Variants in CACNA1B observed in about 807,000 individuals in gnomAD.
CACNA1B encodes calcium voltage-gated channel subunit alpha1 B.
In CACNA1B, 70 loss-of-function variants were observed where a neutral mutation model predicts 247.2. The ratio of observed to expected loss-of-function variants is 0.28; its 90% CI spans 0.23 to 0.35. The LOEUF (loss-of-function observed/expected upper bound fraction) is 0.35, where lower values mean the gene tolerates loss of function less well. Among genes scored for constraint, CACNA1B ranks in the 10% least tolerant of loss-of-function variants. CACNA1B has a pLI of 1.00. For missense variants in CACNA1B, 2,367 were observed against 3,197.4 expected, an observed-to-expected ratio of 0.74 and a Z score of 6.26; for synonymous variants, 1,231 against 1,294.4, an observed-to-expected ratio of 0.95 and a Z score of 1.05.
At chr9:137,937,947 CAAAAAAAAAAAAAAAAA>C (rs57680122) in intron 6 of CACNA1B, among the ~76,000 whole-genome samples, 13 of 21,936 alleles carry the variant, frequency 5.9e-4, no homozygotes, top group African/African-American at 1.2e-3. Context: ...AACTCTGTCT[CAAAAAAAAAAAAAAAAA>C]AAAAAAAAAA....
rs1246365929 is a variant in CACNA1B, at chr9:138,058,823, C to G, written c.4473+90C>G. On this transcript the variant is annotated intron_variant, in intron 29 of 46. Coordinates refer to ENST00000371372, the MANE Select transcript of CACNA1B (RefSeq NM_000718.4). The surrounding 1 kb of genome is among the most constrained non-coding windows in gnomAD (Gnocchi z 4.7). ...TGAGTGGAGAGTCAGCCTTCTTCCT[C>G]CCTGCATGAGCCAAAGCAGTAGTGG... 1 of 1,230,212 alleles carries G rather than the reference C, an allele frequency of 8.1e-7. No individual in the cohort carries two copies. The highest frequency in any genetic ancestry group is 2.5e-5 in the East Asian group (1 of 39,408). The allele number at this position is 1,230,212 out of a possible 1,614,324, so 76.2% of individuals were successfully genotyped here. A position where few individuals can be genotyped will look rare whatever the true frequency, so the allele number is the denominator to read the frequency against.
chr9:137,986,900 T>TC lies in CACNA1B; in HGVS notation c.1974+50dup, dbSNP rs991599297. On this transcript the variant is annotated intron_variant, in intron 15 of 46. Coordinates refer to ENST00000371372, the MANE Select transcript of CACNA1B (RefSeq NM_000718.4). This position sits in a 1 kb window ranked among gnomAD's most constrained non-coding sequence, Gnocchi z 6.0. The stretch of plus-strand genomic sequence containing the variant: ...ATTTGCGGCCTGCCCGGCTCCCGTC[T>TC]CCCCTGGGTGCTGGGAAGGCGGACT... The TC allele has an allele frequency of 7.1e-7, 1 of 1,411,116 alleles. No individual in the cohort carries two copies. The highest frequency in any genetic ancestry group is 1.4e-5 in the African/African-American group (1 of 70,350). 87.4% of individuals were successfully genotyped at this position (1,411,116 alleles called of 1,614,324 possible).
At position 137,957,650 on chromosome 9, in the gene CACNA1B, G is replaced by A. The variant is rs748329454; in HGVS notation, c.1296G>A (p.Glu432=). The A allele has an allele frequency of 1.2e-6, 2 of 1,603,788 alleles. No homozygotes were observed. Among genetic ancestry groups the A allele is most frequent in the Non-Finnish European group, 1.7e-6 (2 of 1,175,350 alleles). ...KKSRNDLIHA[E]EGEDRFADLC... ...GCAGAAATGACCTGATCCACGCAGAGGAGGGAGAGGACCGGTTTGCAGATC... is the reference window on the plus strand; with the variant it reads ...GCAGAAATGACCTGATCCACGCAGAAGAGGGAGAGGACCGGTTTGCAGATC... Residue 432 remains glutamate, a synonymous_variant, in exon 10 of 47, where the codon GAG becomes GAA. Transcript: ENST00000371372. This position sits in a 1 kb window ranked among gnomAD's most constrained non-coding sequence, Gnocchi z 4.7.
In CACNA1B at chr9:138,058,032, C is replaced by T. The variant is rs1453815457; in HGVS notation, c.4107-17C>T. ...CCTTTGGGGGTTCCCCTGACACTTG[C>T]TCTCCTCTTTGCCCAGGGTGCTGAA... On this transcript the variant is annotated splice_polypyrimidine_tract_variant and intron_variant, in intron 27 of 46. Coordinates refer to ENST00000371372, the MANE Select transcript of CACNA1B (RefSeq NM_000718.4). The surrounding 1 kb of genome is among the most constrained non-coding windows in gnomAD (Gnocchi z 4.7). 19 of 1,608,712 alleles carry T rather than the reference C, an allele frequency of 1.2e-5. No homozygotes were observed. Among genetic ancestry groups the T allele is most frequent in the Non-Finnish European group, 1.6e-5 (19 of 1,175,052 alleles).
chr9:138,115,417 C>A, intron 41 of CACNA1B, 135 bp from the exon 42 acceptor site: 1 of 890,622 alleles, frequency 1.1e-6, no homozygotes, highest in Non-Finnish European at 1.7e-6. Flanking sequence ...CGGCCCCTTG[C>A]TAAGGGGAAA....
intron 15 of CACNA1B, among the ~76,000 whole-genome samples, chr9:137,992,163 A>G (rs1958438869): frequency 6.6e-6 from 1 of 152,242 alleles, no homozygotes; most frequent in South Asian, 2.1e-4. Context: ...ATGGATAAGA[A>G]TTCACCAACC....
At position 138,057,666 on chromosome 9, in the gene CACNA1B, C is replaced by CT. The variant is rs1959561657; in HGVS notation, c.3969-64dup. 6.6e-7 allele frequency: 1 copy of CT among 1,512,054 alleles called. No homozygotes were observed. The allele number at this position is 1,512,054 out of a possible 1,614,324, so 93.7% of individuals were successfully genotyped here. A position where few individuals can be genotyped will look rare whatever the true frequency, so the allele number is the denominator to read the frequency against. On this transcript the variant is annotated intron_variant, in intron 26 of 46. Transcript: ENST00000371372. The surrounding 1 kb of genome is among the most constrained non-coding windows in gnomAD (Gnocchi z 4.0). ...TTCCCCACGGAATGGTTTCAACACT[C>CT]TTGATAGGTGGGTTTATTTGGATCT...
At chr9:138,120,072 GCT>G in intron 44 of CACNA1B, 91 bp from the exon 45 acceptor site, 1 of 1,074,230 alleles carries the variant, frequency 9.3e-7, no homozygotes, top group South Asian at 1.5e-5. Flanking sequence ...GTGTGGGCCT[GCT>G]GTCTGGCCTG....
chr9:138,070,577 ATTT>A, intron 32 of CACNA1B, among the ~76,000 whole-genome samples: 1 of 152,362 alleles, frequency 6.6e-6, no homozygotes, highest in East Asian at 1.9e-4. Flanking sequence ...AGTAGAAGAT[ATTT>A]GAGAGTCGTG....
At chr9:137,947,200 C>A (rs1433666739) in intron 6 of CACNA1B, among the ~76,000 whole-genome samples, 1 of 152,174 alleles carries the variant, frequency 6.6e-6, no homozygotes, top group Non-Finnish European at 1.5e-5. Flanking sequence ...TAAAGTTAAA[C>A]CCTATGCTAA....
chr9:137,967,581 A>G (rs1187156975), intron 10 of CACNA1B, among the ~76,000 whole-genome samples: 1 of 152,020 alleles, frequency 6.6e-6, no homozygotes, highest in African/African-American at 2.4e-5. Context: ...TCTCCCCTGA[A>G]ATGAATGGGG....
rs566238672 is a variant in CACNA1B, at chr9:138,015,972, A to T, written c.2267+2737A>T. Among the ~76,000 whole-genome samples, 6 of 152,160 alleles carry T rather than the reference A, an allele frequency of 3.9e-5. No individual in the cohort carries two copies. The South Asian group carries it at 1.2e-3, about 32-fold the overall frequency. On this transcript the variant is annotated intron_variant, in intron 18 of 46. Coordinates refer to ENST00000371372, the MANE Select transcript of CACNA1B (RefSeq NM_000718.4). The stretch of plus-strand genomic sequence containing the variant: ...CATATAGGCAAGCACACACACAGGC[A>T]CACAGACTCACATACACACTTATAC...
intron 13 of CACNA1B, among the ~76,000 whole-genome samples, chr9:137,985,487 A>T (rs1024222153): frequency 6.6e-6 from 1 of 152,236 alleles, no homozygotes; most frequent in Non-Finnish European, 1.5e-5. Flanking sequence ...GACCCCTGCT[A>T]GTCCCAGGAG....
intron 15 of CACNA1B, among the ~76,000 whole-genome samples, chr9:137,997,962 A>C (rs1958519055): frequency 6.6e-6 from 1 of 152,244 alleles, no homozygotes; most frequent in African/African-American, 2.4e-5. Context: ...TTAGAACTAA[A>C]TGTATTTATA....
chr9:138,076,969 C>T (rs1329568342), intron 35 of CACNA1B, among the ~76,000 whole-genome samples: 1 of 152,214 alleles, frequency 6.6e-6, no homozygotes, highest in Non-Finnish European at 1.5e-5. Flanking sequence ...TGGGCTTTAG[C>T]TGCTGCGTTA....
chr9:137,969,591 C>T (rs1958121168), intron 10 of CACNA1B, among the ~76,000 whole-genome samples: 2 of 152,168 alleles, frequency 1.3e-5, no homozygotes, highest in South Asian at 2.1e-4. Context: ...TTACATGAGT[C>T]ACGTGTTCTC....
At position 138,100,029 on chromosome 9, in the gene CACNA1B, G is replaced by T. The variant is rs530567889; in HGVS notation, c.5223-2682G>T. Among the ~76,000 whole-genome samples, 259 of 152,406 alleles carry T rather than the reference G, an allele frequency of 1.7e-3. No homozygotes were observed. Among genetic ancestry groups the T allele is most frequent in the Non-Finnish European group, 2.9e-3 (198 of 68,042 alleles). ...GCCAGGCTTGGCAGTGAGACCACAT[G>T]GTGACTGTAGCTCAAGGCCAGGGCA... On this transcript the variant is annotated intron_variant, in intron 37 of 46. Coordinates refer to ENST00000371372, the MANE Select transcript of CACNA1B (RefSeq NM_000718.4). The surrounding 1 kb of genome is among the most constrained non-coding windows in gnomAD (Gnocchi z 4.6).
Position 137,955,368 on chromosome 9 carries a change from C to T in CACNA1B, c.1071-330C>T, listed in dbSNP as rs1392783606. Among the ~76,000 whole-genome samples the T allele has an allele frequency of 6.6e-6, 1 of 152,216 alleles. No individual in the cohort carries two copies. The highest frequency in any genetic ancestry group is 2.4e-5 in the African/African-American group (1 of 41,466). On this transcript the variant is annotated intron_variant, in intron 7 of 46. Transcript: ENST00000371372. The surrounding 1 kb of genome is among the most constrained non-coding windows in gnomAD (Gnocchi z 6.9). Reference sequence around the variant, plus strand: ...AGGCGCATGCCTAGGTTGCTGTAGGCAGGGGCTGTGAAATTGTCCCTGCTC... The same window carrying T: ...AGGCGCATGCCTAGGTTGCTGTAGGTAGGGGCTGTGAAATTGTCCCTGCTC...
In CACNA1B at chr9:138,078,262, A is replaced by C; in HGVS notation, c.5094+4A>C. 6.2e-7 allele frequency: 1 copy of C among 1,613,684 alleles called. No homozygotes were observed. Among genetic ancestry groups the C allele is most frequent in the African/African-American group, 1.3e-5 (1 of 74,978 alleles). On this transcript the variant is annotated splice_donor_region_variant and intron_variant, in intron 36 of 46. Transcript: ENST00000371372. ...CATCTTCCTGTGCTCCTTTCTGGTG[A>C]GTCCTGGGCACTGTGCCCCTCCCAG...
Sources: allele counts gnomAD v4.1 joint callset (sites outside exome capture counted in the v4.1 genomes callset), GRCh38; gene constraint gnomAD v4.1.1; non-coding constraint Gnocchi (gnomAD v3.1); transcripts MANE v1.5; gene names NCBI Gene and HGNC (gene_info 2026-07-23, HGNC 2026-07-21).